The following PHC2 variants were observed in gnomAD, a reference collection of about 807,000 sequenced individuals.
The protein encoded by PHC2 is polyhomeotic-like protein 2.
A neutral mutation model predicts 87.4 loss-of-function variants in PHC2; 29 were observed. The ratio of observed to expected loss-of-function variants is 0.33; its 90% CI spans 0.25 to 0.45. PHC2 has a LOEUF of 0.45. Ranked by LOEUF, PHC2 falls within the 20% of genes least tolerant of loss-of-function variation. The pLI, the probability that PHC2 is intolerant of heterozygous loss-of-function variation, is 1.00. For synonymous variants in PHC2, 438 were observed against 461.7 expected, an observed-to-expected ratio of 0.95 and a Z score of 0.66; for missense variants, 857 against 1,136.7, an observed-to-expected ratio of 0.75 and a Z score of 3.54.
chr1:33,380,442 G>A (rs1648440236), intron 1 of PHC2, among the ~76,000 whole-genome samples: 1 of 152,186 alleles, frequency 6.6e-6, no homozygotes, highest in East Asian at 1.9e-4. Flanking sequence ...GTCCTTTTGT[G>A]TCTGGCTTGT....
intron 13 of PHC2, among the ~76,000 whole-genome samples, chr1:33,329,523 TTA>T: frequency 1.3e-5 from 2 of 152,068 alleles, no homozygotes; most frequent in Middle Eastern, 6.8e-3. Context: ...ATACATAAGG[TTA>T]TAAAACATCA....
chr1:33,351,111 T>C (rs529314155), intron 9 of PHC2, among the ~76,000 whole-genome samples: 2 of 152,310 alleles, frequency 1.3e-5, no homozygotes, highest in Non-Finnish European at 2.9e-5. Context: ...TATTTTAGAC[T>C]TTGTAGGTCA....
intron 5 of PHC2, 76 bp downstream of exon 5, chr1:33,370,345 C>T: frequency 6.8e-7 from 1 of 1,460,358 alleles, no homozygotes; most frequent in Non-Finnish European, 9.4e-7. Context: ...CACCCTTCTC[C>T]AGCTCCCAGC....
chr1:33,399,038 C>T (rs886309033), intron 1 of PHC2, among the ~76,000 whole-genome samples: 1 of 152,114 alleles, frequency 6.6e-6, no homozygotes, highest in Non-Finnish European at 1.5e-5. Context: ...ATATACAAGG[C>T]AAAATGTGAA....
chr1:33,332,335 G>A lies in PHC2; in HGVS notation c.1831C>T (p.Leu611Phe), dbSNP rs777446850. 5 of 1,614,194 alleles carry A rather than the reference G, an allele frequency of 3.1e-6. No homozygotes were observed. The South Asian group carries it at 3.3e-5, about 11-fold the overall frequency. ...GTGGTGGTGTGATCCTGCTGTGGAAGTTTCTCAGGCAGGAACCCCTGTGCA... is the reference window on the plus strand; with the variant it reads ...GTGGTGGTGTGATCCTGCTGTGGAAATTTCTCAGGCAGGAACCCCTGTGCA... Reference protein sequence around the residue: ...KYAQGFLPEKLPQQDHTTTTD... With the variant: ...KYAQGFLPEKFPQQDHTTTTD... Residue 611 changes from leucine (L) to phenylalanine (F), a missense_variant, in exon 11 of 15, where the codon CTT becomes TTT. By Grantham distance (22) the Leu-to-Phe change is conservative. Coordinates refer to ENST00000683057, the MANE Select transcript of PHC2 (RefSeq NM_001385109.1). The surrounding 1 kb of genome is among the most constrained non-coding windows in gnomAD (Gnocchi z 4.2).
intron 1 of PHC2, among the ~76,000 whole-genome samples, chr1:33,406,298 T>C (rs1296486654): frequency 6.6e-6 from 1 of 152,232 alleles, no homozygotes; most frequent in African/African-American, 2.4e-5. Context: ...ATAATTAACA[T>C]AGCAATTGGG....
At chr1:33,389,362 G>C (rs1166370808) in intron 1 of PHC2, among the ~76,000 whole-genome samples, 2 of 152,216 alleles carry the variant, frequency 1.3e-5, no homozygotes, top group African/African-American at 4.8e-5. Flanking sequence ...AGGGTGTTTG[G>C]ATTAATCTTA....
chr1:33,420,989 G>T (rs1395050943), intron 1 of PHC2, among the ~76,000 whole-genome samples: 2 of 152,138 alleles, frequency 1.3e-5, no homozygotes, highest in Non-Finnish European at 2.9e-5. Context: ...TAGCTGTGAG[G>T]ATTAAATAAG....
At chr1:33,345,694 A>G (rs1027488379) in intron 9 of PHC2, 17 of 984,712 alleles carry the variant, frequency 1.7e-5, no homozygotes, top group Non-Finnish European at 2.1e-5. Flanking sequence ...TGTCATTTAT[A>G]CTGGACTTTT....
intron 9 of PHC2, chr1:33,345,373 G>GT (rs1344254051): frequency 1.1e-5 from 2 of 183,926 alleles, no homozygotes; most frequent in East Asian, 3.8e-4. Context: ...GTGTTTAACA[G>GT]CAGTCATGTC....
rs759477122 is a variant in PHC2 at position 33,369,107 on chromosome 1, C to T, written c.577-485G>A. On this transcript the variant is annotated intron_variant, in intron 5 of 14. Coordinates refer to ENST00000683057, the MANE Select transcript of PHC2 (RefSeq NM_001385109.1). This position sits in a 1 kb window ranked among gnomAD's most constrained non-coding sequence, Gnocchi z 4.7. Reference sequence around the variant, plus strand: ...AGACTGCCCTCCAGGGGATCAAGTTCGATGTATCCTTTTGGTCATTTTCTA... The same window carrying T: ...AGACTGCCCTCCAGGGGATCAAGTTTGATGTATCCTTTTGGTCATTTTCTA... Among the ~76,000 whole-genome samples the T allele has an allele frequency of 2.0e-5, 3 of 152,268 alleles. No individual in the cohort carries two copies. Among genetic ancestry groups the T allele is most frequent in the Non-Finnish European group, 4.4e-5 (3 of 68,030 alleles).
At chr1:33,359,535 C>T (rs1270472841) in intron 7 of PHC2, among the ~76,000 whole-genome samples, 1 of 152,198 alleles carries the variant, frequency 6.6e-6, no homozygotes, top group African/African-American at 2.4e-5. Context: ...ACTCAACAAA[C>T]AATTTATTAA....
chr1:33,346,185 C>T (rs375588938), intron 9 of PHC2: 26 of 982,440 alleles, frequency 2.6e-5, no homozygotes, highest in African/African-American at 1.4e-4. Context: ...GACTGCATAA[C>T]GCAGTCAGTT....
intron 9 of PHC2, among the ~76,000 whole-genome samples, chr1:33,351,065 T>A (rs561763972): frequency 2.6e-5 from 4 of 152,306 alleles, no homozygotes; most frequent in Admixed American, 2.6e-4. Flanking sequence ...AGAACAGCAG[T>A]TGGCAAACTT....
intron 9 of PHC2, among the ~76,000 whole-genome samples, chr1:33,353,726 A>T (rs1206337515): frequency 1.3e-5 from 2 of 152,166 alleles, no homozygotes; most frequent in Non-Finnish European, 2.9e-5. Context: ...TGTCACTGAG[A>T]TCTGGGCCAA....
At chr1:33,413,436 A>G (rs1650064513) in intron 1 of PHC2, among the ~76,000 whole-genome samples, 1 of 152,250 alleles carries the variant, frequency 6.6e-6, no homozygotes, top group Admixed American at 6.5e-5. Flanking sequence ...GGCAGAGAGA[A>G]ATGACAACAG....
At chr1:33,354,277 C>T in intron 9 of PHC2, 124 bp downstream of exon 9, 3 of 857,150 alleles carry the variant, frequency 3.5e-6, no homozygotes, top group Non-Finnish European at 5.4e-6. Flanking sequence ...CTGTTTCCAA[C>T]CCCCCAGCTT....
chr1:33,355,402 T>A, intron 7 of PHC2, 149 bp from the exon 8 acceptor site: 1 of 705,586 alleles, frequency 1.4e-6, no homozygotes, highest in Non-Finnish European at 2.3e-6. Flanking sequence ...ACCCTGAGCC[T>A]GGCCTGCTCA....
chr1:33,377,133 C>T (rs928788001), intron 1 of PHC2, among the ~76,000 whole-genome samples: 2 of 152,174 alleles, frequency 1.3e-5, no homozygotes, highest in African/African-American at 4.8e-5. Context: ...CACTTTCTAG[C>T]CAGGAAATCC....
Sources: allele counts gnomAD v4.1 joint callset (sites outside exome capture counted in the v4.1 genomes callset), GRCh38; gene constraint gnomAD v4.1.1; non-coding constraint Gnocchi (gnomAD v3.1); transcripts MANE v1.5; gene names NCBI Gene and HGNC (gene_info 2026-07-23, HGNC 2026-07-21).